Variants in ASTN1 observed in about 807,000 individuals in gnomAD.
The protein encoded by ASTN1 is astrotactin-1.
ASTN1 carries 41 observed loss-of-function variants against 140.7 expected under a neutral mutation model. The observed-to-expected ratio is 0.29, with a 90% CI of 0.23 to 0.38. ASTN1 has a LOEUF of 0.38. ASTN1 is among the 10% of genes least tolerant of loss of function. The probability of loss-of-function intolerance (pLI) is 1.00; values close to 1 mark genes in which losing one functional copy is unlikely to be tolerated. For synonymous variants in ASTN1, 640 were observed against 652.2 expected, an observed-to-expected ratio of 0.98 and a Z score of 0.29; for missense variants, 1,479 against 1,678.8, an observed-to-expected ratio of 0.88 and a Z score of 2.08.
intron 17 of ASTN1, among the ~76,000 whole-genome samples, chr1:176,888,877 C>T (rs1669150430): frequency 6.6e-6 from 1 of 152,118 alleles, no homozygotes; most frequent in South Asian, 2.1e-4. Context: ...TCAGTTTCCT[C>T]AATAATAAAA....
chr1:176,949,055 G>A, intron 12 of ASTN1, 130 bp downstream of exon 12: 3 of 1,309,740 alleles, frequency 2.3e-6, no homozygotes, highest in Non-Finnish European at 3.1e-6. Context: ...AAGTCCTAGA[G>A]GCTCTTTCCT....
chr1:177,019,161 G>A (rs1675698015), intron 7 of ASTN1, among the ~76,000 whole-genome samples: 1 of 152,154 alleles, frequency 6.6e-6, no homozygotes, highest in African/African-American at 2.4e-5. Flanking sequence ...AGTCCAGCTA[G>A]GTCATTAACT....
intron 1 of ASTN1, among the ~76,000 whole-genome samples, chr1:177,159,295 A>C (rs1683381341): frequency 6.6e-6 from 1 of 152,212 alleles, no homozygotes; most frequent in South Asian, 2.1e-4. Context: ...GAGTTATATA[A>C]GTGCTGAAGA....
At chr1:177,157,821 AAT>A (rs952109031) in intron 1 of ASTN1, among the ~76,000 whole-genome samples, 4 of 152,076 alleles carry the variant, frequency 2.6e-5, no homozygotes, top group Admixed American at 1.3e-4. Flanking sequence ...ATTCTTAAAC[AAT>A]ATGTTATTTT....
chr1:177,061,873 G>A (rs1363583999), intron 1 of ASTN1, among the ~76,000 whole-genome samples: 2 of 152,156 alleles, frequency 1.3e-5, no homozygotes, highest in Non-Finnish European at 2.9e-5. Context: ...TTTTAATTTT[G>A]TTTCTTCAGT....
rs936680322 is a variant in ASTN1, at chr1:176,916,947, C to G, written c.2671+17205G>C. Among the ~76,000 whole-genome samples, 4 of 152,144 alleles carry G rather than the reference C, an allele frequency of 2.6e-5. No individual in the cohort carries two copies. The South Asian group carries it at 8.3e-4, about 32-fold the overall frequency. On this transcript the variant is annotated intron_variant, in intron 16 of 22. Transcript: ENST00000361833. ...TCTCCAGCCTCACTTCCCCTACTTA[C>G]CCCACATTAGCCAGGTGGACAGCAC...
At chr1:177,057,200 T>C (rs1474731097) in intron 2 of ASTN1, among the ~76,000 whole-genome samples, 1 of 151,518 alleles carries the variant, frequency 6.6e-6, no homozygotes, top group East Asian at 1.9e-4. Flanking sequence ...AGGATGTGAT[T>C]GAAAAATAAG....
intron 1 of ASTN1, among the ~76,000 whole-genome samples, chr1:177,113,976 G>A (rs1017092731): frequency 6.6e-6 from 1 of 152,176 alleles, no homozygotes; most frequent in African/African-American, 2.4e-5. Flanking sequence ...ACTCATAGGG[G>A]ACTGAGCTTC....
At chr1:177,132,508 G>A (rs1681988725) in intron 1 of ASTN1, among the ~76,000 whole-genome samples, 1 of 152,182 alleles carries the variant, frequency 6.6e-6, no homozygotes, top group African/African-American at 2.4e-5. Context: ...TCATCAGGAG[G>A]AAGGTGCAGA....
At chr1:176,874,429 G>A (rs1173964117) in intron 21 of ASTN1, among the ~76,000 whole-genome samples, 1 of 152,178 alleles carries the variant, frequency 6.6e-6, no homozygotes, top group Non-Finnish European at 1.5e-5. Context: ...AAGACAAGGG[G>A]GAAGGGCTTC....
chr1:176,963,365 A>G (rs1443774636), intron 9 of ASTN1, among the ~76,000 whole-genome samples: 1 of 152,210 alleles, frequency 6.6e-6, no homozygotes, highest in Admixed American at 6.5e-5. Context: ...GTTTACTCAG[A>G]TGCCAGAGTG....
intron 7 of ASTN1, among the ~76,000 whole-genome samples, chr1:177,019,697 T>A (rs1675722784): frequency 6.6e-6 from 1 of 152,110 alleles, no homozygotes; most frequent in Non-Finnish European, 1.5e-5. Flanking sequence ...CCCTCCCAGG[T>A]AGCATGTTGC....
chr1:177,127,004 A>G (rs1681686562), intron 1 of ASTN1, among the ~76,000 whole-genome samples: 1 of 152,186 alleles, frequency 6.6e-6, no homozygotes, highest in African/African-American at 2.4e-5. Context: ...TGAAGCTAAC[A>G]TATGCCCCCA....
chr1:176,959,793 C>T (rs2235300), intron 9 of ASTN1, among the ~76,000 whole-genome samples: 18,492 of 152,186 alleles, frequency 0.12, 1,439 homozygotes, highest in Admixed American at 0.19. Flanking sequence ...ACCTACTTCT[C>T]TGACCAGTTG....
chr1:176,906,639 A>C (rs1670014567), intron 16 of ASTN1, among the ~76,000 whole-genome samples: 1 of 152,062 alleles, frequency 6.6e-6, no homozygotes, highest in Non-Finnish European at 1.5e-5. Context: ...AGATCGTTTG[A>C]GGTCAGGAGT....
intron 8 of ASTN1, among the ~76,000 whole-genome samples, chr1:177,006,929 A>G (rs1253035867): frequency 6.6e-6 from 1 of 152,174 alleles, no homozygotes; most frequent in East Asian, 1.9e-4. Flanking sequence ...TCCCATCTAC[A>G]GCTGATCCCT....
chr1:176,941,702 T>A (rs573426769), intron 14 of ASTN1, among the ~76,000 whole-genome samples: 2 of 152,346 alleles, frequency 1.3e-5, no homozygotes, highest in African/African-American at 4.8e-5. Flanking sequence ...TCTGGCTATC[T>A]CATAACTGAA....
In ASTN1 at chr1:176,965,118, A is replaced by G. The variant is rs779385300; in HGVS notation, c.1598+45T>C. The G allele has an allele frequency of 3.8e-6, 6 of 1,568,664 alleles. No individual in the cohort carries two copies. In the African/African-American group the frequency reaches 8.1e-5, roughly 21 times the overall value. On this transcript the variant is annotated intron_variant, in intron 9 of 22. Transcript: ENST00000361833. The stretch of plus-strand genomic sequence containing the variant: ...AGTCAGTTCGGGGGAAGCGGAACAC[A>G]GGGTTTGCAGACGTACATAAGCAAG...
chr1:177,027,614 C>T (rs566327145), intron 5 of ASTN1, among the ~76,000 whole-genome samples: 1 of 150,830 alleles, frequency 6.6e-6, no homozygotes, highest in Non-Finnish European at 1.5e-5. Flanking sequence ...CTTTAAAACA[C>T]CATGTTCTTT....
Sources: allele counts gnomAD v4.1 joint callset (sites outside exome capture counted in the v4.1 genomes callset), GRCh38; gene constraint gnomAD v4.1.1; transcripts MANE v1.5; gene names NCBI Gene and HGNC (gene_info 2026-07-23, HGNC 2026-07-21).